The following CYGB variants were observed in gnomAD, a reference collection of about 807,000 sequenced individuals.
CYGB encodes the protein cytoglobin.
Under a neutral mutation model 20.7 loss-of-function variants are expected in CYGB, and 13 were observed. The ratio of observed to expected loss-of-function variants is 0.63; its 90% CI spans 0.41 to 1.00. CYGB has a LOEUF of 1.00. Ranked by LOEUF, CYGB falls within the 50% of genes least tolerant of loss-of-function variation. CYGB has a pLI of 0.00. For synonymous variants in CYGB, 93 were observed against 107.4 expected, an observed-to-expected ratio of 0.87 and a Z score of 0.83; for missense variants, 218 against 257.2, an observed-to-expected ratio of 0.85 and a Z score of 1.04.
chr17:76,537,358 G>T (rs1181266716), intron 1 of CYGB, 42 bp downstream of exon 1: 3 of 1,544,632 alleles, frequency 1.9e-6, no homozygotes, highest in African/African-American at 2.8e-5. Context: ...AGCCGCTGCC[G>T]CCCTCCCTGC....
chr17:76,531,803 G>A lies in CYGB; in HGVS notation c.144-112C>T, dbSNP rs184466615. On this transcript the variant is annotated intron_variant, in intron 1 of 3. Transcript: ENST00000293230. This position sits in a 1 kb window ranked among gnomAD's most constrained non-coding sequence, Gnocchi z 7.4. ...GTGGACCGCAGTGCTCCCCACCCCC[G>A]CACCGTCACTGTTTTCACTACCATC... The A allele has an allele frequency of 4.7e-4, 393 of 839,204 alleles. 2 individuals carry two copies. In the African/African-American group the frequency reaches 6.1e-3, roughly 13 times the overall value. 52.0% of individuals were successfully genotyped at this position (839,204 alleles called of 1,614,324 possible).
Position 76,546,448 on chromosome 17 carries a change from GT to G in CYGB, c.-53+4413del, listed in dbSNP as rs67055859. 0.095 allele frequency: 1,332 copies of G among 14,090 alleles called. 7 individuals are homozygous for G. The highest frequency in any genetic ancestry group is 0.27 in the South Asian group (62 of 230). The allele number at this position is 14,090 out of a possible 1,614,324, so 0.9% of individuals were successfully genotyped here. A position where few individuals can be genotyped will look rare whatever the true frequency, so the allele number is the denominator to read the frequency against. Reference sequence around the variant, plus strand: ...AAGTGTGCGGTTGTGTGTGTGTGTGGTTTGTGTGTGTGTGTGTGTGTGTGCG... The same window carrying G: ...AAGTGTGCGGTTGTGTGTGTGTGTGGTTGTGTGTGTGTGTGTGTGTGTGCG... On this transcript the variant is annotated intron_variant, in intron 1 of 3. Transcript: ENST00000589145. This position sits in a 1 kb window ranked among gnomAD's most constrained non-coding sequence, Gnocchi z 4.5.
Position 76,537,382 on chromosome 17 carries a change from G to C in CYGB, c.143+18C>G, listed in dbSNP as rs773857390. 1.3e-6 allele frequency: 2 copies of C among 1,577,346 alleles called. No homozygotes were observed. The highest frequency in any genetic ancestry group is 2.5e-5 in the East Asian group (1 of 40,232). On this transcript the variant is annotated intron_variant, in intron 1 of 3. Transcript: ENST00000293230. Reference sequence around the variant, plus strand: ...CGCCCTCCCTGCCCAGGGCCCGGCCGGGCCGGGCGACACCTACCTCACCAG... The same window carrying C: ...CGCCCTCCCTGCCCAGGGCCCGGCCCGGCCGGGCGACACCTACCTCACCAG...
chr17:76,536,607 G>A (rs1598207448), intron 1 of CYGB, among the ~76,000 whole-genome samples: 1 of 152,152 alleles, frequency 6.6e-6, no homozygotes, highest in African/African-American at 2.4e-5. Context: ...CTAAGCCTAG[G>A]TGTGTGAAGA....
Position 76,531,441 on chromosome 17 carries a change from A to G in CYGB, c.375+19T>C. 1 of 1,595,372 alleles carries G rather than the reference A, an allele frequency of 6.3e-7. No individual in the cohort carries two copies. On this transcript the variant is annotated intron_variant, in intron 2 of 3. Transcript: ENST00000293230. The surrounding 1 kb of genome is among the most constrained non-coding windows in gnomAD (Gnocchi z 7.4). Reference sequence around the variant, plus strand: ...GACGCGTGGGCGGTGGGGGCTCTGCAGCAGATGGGGGCGCATACCTTGAAG... The same window carrying G: ...GACGCGTGGGCGGTGGGGGCTCTGCGGCAGATGGGGGCGCATACCTTGAAG...
chr17:76,547,832 AAC>A (rs1202359318), intron 1 of CYGB, among the ~76,000 whole-genome samples: 5 of 133,264 alleles, frequency 3.8e-5, no homozygotes, highest in Non-Finnish European at 6.1e-5. Context: ...ACACACACAC[AAC>A]ACACATTCAC....
chr17:76,540,869 G>A (rs1567911434), upstream of CYGB, among the ~76,000 whole-genome samples: 1 of 152,230 alleles, frequency 6.6e-6, no homozygotes, highest in African/African-American at 2.4e-5. The surrounding 1 kb of genome is among the most constrained non-coding windows in gnomAD (Gnocchi z 5.0). Context: ...GGAGTGGAAG[G>A]AGGGATGAGG....
At chr17:76,534,829 G>A (rs867977337) in intron 1 of CYGB, among the ~76,000 whole-genome samples, 10 of 152,318 alleles carry the variant, frequency 6.6e-5, no homozygotes, top group Non-Finnish European at 1.5e-4. Flanking sequence ...GACAGTCTCA[G>A]GGAGTCCCCA....
chr17:76,542,526 C>T (rs2075003926), upstream of CYGB: 7 of 1,614,012 alleles, frequency 4.3e-6, no homozygotes, highest in Non-Finnish European at 5.9e-6. Context: ...CCCTTCAATC[C>T]TGACCCCAGT....
chr17:76,549,768 G>A (rs1450378912), intron 1 of CYGB, among the ~76,000 whole-genome samples: 6 of 152,112 alleles, frequency 3.9e-5, no homozygotes, highest in African/African-American at 9.7e-5. Flanking sequence ...TGATGCCGAC[G>A]ACATGGGTAA....
intron 1 of CYGB, among the ~76,000 whole-genome samples, chr17:76,535,223 T>C (rs187060976): frequency 3.8e-4 from 58 of 152,308 alleles, no homozygotes; most frequent in Non-Finnish European, 7.6e-4. Flanking sequence ...GCCTCCTTCC[T>C]GCCCTGCAGG....
intron 1 of CYGB, among the ~76,000 whole-genome samples, chr17:76,547,876 C>CACACAT (rs1276739589): frequency 6.6e-6 from 1 of 151,310 alleles, no homozygotes; most frequent in Admixed American, 6.6e-5. Context: ...TACATATTCA[C>CACACAT]ACACATACAC....
In CYGB at chr17:76,531,922, G is replaced by A; in HGVS notation, c.144-231C>T. Reference sequence around the variant, plus strand: ...CTATCTGCCAGGCTTGCTCAGGCTGGCGGCTTCATCTCCTAGGCCTCTGTC... The same window carrying A: ...CTATCTGCCAGGCTTGCTCAGGCTGACGGCTTCATCTCCTAGGCCTCTGTC... On this transcript the variant is annotated intron_variant, in intron 1 of 3. Coordinates refer to ENST00000293230, the MANE Select transcript of CYGB (RefSeq NM_134268.5). This position sits in a 1 kb window ranked among gnomAD's most constrained non-coding sequence, Gnocchi z 7.4. 2.1e-6 allele frequency: 1 copy of A among 475,432 alleles called. No individual in the cohort carries two copies. 29.5% of individuals were successfully genotyped at this position (475,432 alleles called of 1,614,324 possible).
Position 76,533,771 on chromosome 17 carries a change from C to T in CYGB, c.144-2080G>A, listed in dbSNP as rs1377903776. 4.6e-5 allele frequency among the ~76,000 whole-genome samples: 7 copies of T among 151,164 alleles called. No individual in the cohort carries two copies. The highest frequency in any genetic ancestry group is 1.0e-4 in the Non-Finnish European group (7 of 67,834). On this transcript the variant is annotated intron_variant, in intron 1 of 3. Transcript: ENST00000293230. The surrounding 1 kb of genome is among the most constrained non-coding windows in gnomAD (Gnocchi z 4.5). ...TAATAAAAGGTCAGGTGTGGTGGCT[C>T]ATGCCTGTAGAACTTTGGGAGGCCA...
intron 1 of CYGB, 100 bp downstream of exon 1, chr17:76,537,300 G>A: frequency 7.6e-7 from 1 of 1,316,668 alleles, no homozygotes; most frequent in South Asian, 1.6e-5. Flanking sequence ...TCGCGGCTGG[G>A]GAGGTGGCGC....
At chr17:76,539,511 C>T (rs1055374259), upstream of CYGB, among the ~76,000 whole-genome samples, 2 of 152,212 alleles carry the variant, frequency 1.3e-5, no homozygotes, top group South Asian at 2.1e-4. Flanking sequence ...GCCAGCCCTT[C>T]ACTGTTGAGT....
intron 1 of CYGB, among the ~76,000 whole-genome samples, chr17:76,534,141 TC>T (rs2074885461): frequency 8.7e-6 from 1 of 114,934 alleles, no homozygotes; most frequent in African/African-American, 3.4e-5. Flanking sequence ...TCTCTCTCTT[TC>T]TCTTTCTCTC....
intron 3 of CYGB, chr17:76,529,750 C>T (rs576151968): frequency 1.1e-5 from 11 of 985,382 alleles, no homozygotes; most frequent in Admixed American, 1.2e-4. Context: ...CTGCTCTCCA[C>T]GCCCTGCCAG....
intron 1 of CYGB, among the ~76,000 whole-genome samples, chr17:76,547,984 A>G (rs941230167): frequency 2.6e-5 from 4 of 151,994 alleles, no homozygotes; most frequent in African/African-American, 9.7e-5. Flanking sequence ...ATACACATAC[A>G]TACACATTCA....
Sources: gnomAD v4.1 joint callset for allele counts (sites outside exome capture counted in the v4.1 genomes callset) on GRCh38, gnomAD v4.1.1 for gene constraint, Gnocchi (gnomAD v3.1) non-coding constraint, MANE v1.5 for transcripts, NCBI Gene and HGNC (gene_info 2026-07-23, HGNC 2026-07-21) for gene names.